FAM13A: variants seen among roughly 807,000 people sequenced by gnomAD.
FAM13A encodes family with sequence similarity 13 member A.
A neutral mutation model predicts 129.6 loss-of-function variants in FAM13A; 76 were observed. The ratio of observed to expected loss-of-function variants is 0.59; its 90% CI spans 0.49 to 0.71. The LOEUF is 0.71. FAM13A is among the 30% of genes least tolerant of loss of function. The pLI is 0.00. For synonymous variants in FAM13A, 443 were observed against 449.9 expected (o/e 0.98, Z 0.20); for missense variants, 1,108 against 1,249.3 (o/e 0.89, Z 1.70).
At chr4:89,007,352 T>C (rs1002938944) in intron 3 of FAM13A, among the ~76,000 whole-genome samples, 1 of 152,084 alleles carries the variant, frequency 6.6e-6, no homozygotes, top group Non-Finnish European at 1.5e-5. Context: ...CATGTTAAGA[T>C]AACATTCAAG....
At chr4:88,977,861 T>A (rs1761114242) in intron 4 of FAM13A, among the ~76,000 whole-genome samples, 1 of 152,124 alleles carries the variant, frequency 6.6e-6, no homozygotes. Context: ...GCATATAAAG[T>A]TATAAAACAT....
At chr4:88,984,778 C>A (rs1762042132) in intron 4 of FAM13A, among the ~76,000 whole-genome samples, 1 of 152,054 alleles carries the variant, frequency 6.6e-6, no homozygotes, top group Admixed American at 6.6e-5. Flanking sequence ...TTATATTAGT[C>A]TCTTTTTGCA....
intron 4 of FAM13A, among the ~76,000 whole-genome samples, chr4:88,947,901 C>T (rs747089909): frequency 6.6e-5 from 10 of 152,018 alleles, no homozygotes; most frequent in Non-Finnish European, 1.3e-4. Context: ...ATTACAAAGA[C>T]GGGTTATCTA....
intron 13 of FAM13A, among the ~76,000 whole-genome samples, chr4:88,764,490 G>C (rs1055685084): frequency 2.6e-5 from 4 of 152,190 alleles, no homozygotes; most frequent in Non-Finnish European, 5.9e-5. Flanking sequence ...TAGAAAATAG[G>C]GATTAAATTG....
intron 7 of FAM13A, among the ~76,000 whole-genome samples, chr4:88,823,852 T>C (rs931182604): frequency 7.9e-5 from 12 of 152,242 alleles, no homozygotes; most frequent in Admixed American, 5.9e-4. Context: ...CCTAAGTCTC[T>C]GCCCAAGTTC....
intron 5 of FAM13A, among the ~76,000 whole-genome samples, chr4:88,926,910 T>C (rs994134857): frequency 1.3e-5 from 2 of 152,188 alleles, no homozygotes; most frequent in African/African-American, 4.8e-5. Flanking sequence ...GACAGGTGCA[T>C]ATTTCTTACA....
At chr4:88,995,965 C>G (rs1763487726) in intron 3 of FAM13A, among the ~76,000 whole-genome samples, 1 of 152,116 alleles carries the variant, frequency 6.6e-6, no homozygotes, top group Non-Finnish European at 1.5e-5. Context: ...TGTCAGGGTA[C>G]AAGATGTTAT....
intron 11 of FAM13A, among the ~76,000 whole-genome samples, chr4:88,770,178 C>T (rs1174470621): frequency 6.6e-6 from 1 of 152,152 alleles, no homozygotes; most frequent in African/African-American, 2.4e-5. Flanking sequence ...CAATTATATT[C>T]ATACCTCTAA....
At chr4:88,821,818 A>G (rs1002656415) in intron 7 of FAM13A, among the ~76,000 whole-genome samples, 21 of 152,230 alleles carry the variant, frequency 1.4e-4, no homozygotes, top group African/African-American at 5.1e-4. Flanking sequence ...TTTTTACAAA[A>G]GGAACTCTTT....
chr4:88,855,917 T>C (rs1057180971), intron 6 of FAM13A: 15 of 152,138 alleles, frequency 9.9e-5, no homozygotes, highest in Admixed American at 3.3e-4. Context: ...TAAGTGGACA[T>C]GAAGCAGGAG....
At chr4:88,748,360 C>T (rs886099120) in intron 17 of FAM13A, among the ~76,000 whole-genome samples, 4 of 152,140 alleles carry the variant, frequency 2.6e-5, no homozygotes, top group Admixed American at 6.5e-5. Context: ...GAATGTTTCC[C>T]TAACACTAAT....
chr4:88,826,854 G>A (rs901757684), intron 7 of FAM13A, among the ~76,000 whole-genome samples: 2 of 152,030 alleles, frequency 1.3e-5, no homozygotes, highest in African/African-American at 4.8e-5. Flanking sequence ...AAGAAGCCTG[G>A]TCTCTCCTAC....
At chr4:88,769,588 C>T (rs1468285474) in intron 11 of FAM13A, among the ~76,000 whole-genome samples, 2 of 152,112 alleles carry the variant, frequency 1.3e-5, no homozygotes, top group Non-Finnish European at 2.9e-5. Flanking sequence ...AATCCCAGCA[C>T]TTTGGGAGGC....
intron 4 of FAM13A, among the ~76,000 whole-genome samples, chr4:88,983,939 C>T (rs1283718431): frequency 6.6e-6 from 1 of 152,098 alleles, no homozygotes; most frequent in Non-Finnish European, 1.5e-5. Context: ...TACTATGGTA[C>T]TGACATAAGA....
intron 7 of FAM13A, among the ~76,000 whole-genome samples, chr4:88,825,033 T>TATC (rs1419864984): frequency 5.3e-5 from 8 of 152,094 alleles, no homozygotes; most frequent in African/African-American, 4.8e-5. Flanking sequence ...AAAATCACAA[T>TATC]TATACATCAT....
chr4:88,910,338 A>C (rs961583099), intron 5 of FAM13A, among the ~76,000 whole-genome samples: 14 of 152,154 alleles, frequency 9.2e-5, no homozygotes, highest in African/African-American at 3.4e-4. Flanking sequence ...TACAATAAGG[A>C]AGGAAAAAAA....
At chr4:89,031,955 C>G (rs1235561735) in intron 1 of FAM13A, among the ~76,000 whole-genome samples, 1 of 152,094 alleles carries the variant, frequency 6.6e-6, no homozygotes, top group African/African-American at 2.4e-5. Flanking sequence ...CACGGTGGCT[C>G]ACACCTGTAA....
At chr4:88,960,432 CAG>C (rs779790628) in intron 4 of FAM13A, among the ~76,000 whole-genome samples, 3 of 152,082 alleles carry the variant, frequency 2.0e-5, no homozygotes, top group Non-Finnish European at 4.4e-5. Context: ...AATAGAAAAA[CAG>C]AGGGATACAA....
At chr4:88,790,396 T>C (rs1724878497) in intron 9 of FAM13A, among the ~76,000 whole-genome samples, 190 bp downstream of exon 9, 1 of 152,078 alleles carries the variant, frequency 6.6e-6, no homozygotes, top group African/African-American at 2.4e-5. Context: ...GGAATACACA[T>C]ATAGAAGCTC....
Sources: allele counts gnomAD v4.1 joint callset (sites outside exome capture counted in the v4.1 genomes callset), GRCh38; gene constraint gnomAD v4.1.1; transcripts MANE v1.5; gene names NCBI Gene and HGNC (gene_info 2026-07-23, HGNC 2026-07-21).